Variants in WDTC1 observed in about 807,000 individuals in gnomAD.
The protein encoded by WDTC1 is WD and tetratricopeptide repeats protein 1.
In WDTC1, 12 loss-of-function variants were observed where a neutral mutation model predicts 76.0. The ratio of observed to expected loss-of-function variants is 0.16; its 90% CI spans 0.10 to 0.26. The LOEUF (loss-of-function observed/expected upper bound fraction) is 0.26, where lower values mean the gene tolerates loss of function less well. WDTC1 is among the 10% of genes least tolerant of loss of function. The probability of loss-of-function intolerance (pLI) is 1.00; values close to 1 mark genes in which losing one functional copy is unlikely to be tolerated. For missense variants in WDTC1, 511 were observed against 908.8 expected, an observed-to-expected ratio of 0.56 and a Z score of 5.63; for synonymous variants, 326 against 350.8, an observed-to-expected ratio of 0.93 and a Z score of 0.79.
chr1:27,304,007 C>A, intron 14 of WDTC1: 1 of 584,006 alleles, frequency 1.7e-6, no homozygotes, highest in Non-Finnish European at 2.9e-6. Context: ...ATAACAAGGA[C>A]TAATAAGATA....
Position 27,305,604 on chromosome 1 carries a change from C to T in WDTC1, c.1836+411C>T, listed in dbSNP as rs191629013. On this transcript the variant is annotated intron_variant, in intron 15 of 15. Transcript: ENST00000319394. The surrounding 1 kb of genome is among the most constrained non-coding windows in gnomAD (Gnocchi z 4.6). ...GTGAAGTGTCCAGCCCACAAGGACA[C>T]TTAGGACAGTGGAGTCCCCTCCACT... Among the ~76,000 whole-genome samples, 47 of 152,290 alleles carry T rather than the reference C, an allele frequency of 3.1e-4. No individual in the cohort carries two copies. The highest frequency in any genetic ancestry group is 1.1e-3 in the African/African-American group (46 of 41,554).
At chr1:27,234,506 G>A (rs1273570532), upstream of WDTC1, 3 of 346,434 alleles carry the variant, frequency 8.7e-6, no homozygotes, top group African/African-American at 4.2e-5. Context: ...TTGACCGGGC[G>A]CGGGGGGGTA....
chr1:27,267,168 T>C (rs2012702058), intron 3 of WDTC1, among the ~76,000 whole-genome samples: 1 of 152,156 alleles, frequency 6.6e-6, no homozygotes, highest in South Asian at 2.1e-4. Flanking sequence ...TTGATATTTG[T>C]TACCCTTCCT....
At chr1:27,241,211 C>T (rs2011623285) in intron 1 of WDTC1, among the ~76,000 whole-genome samples, 1 of 152,088 alleles carries the variant, frequency 6.6e-6, no homozygotes, top group Admixed American at 6.6e-5. Context: ...ACCCTTAATC[C>T]TCCGTATAGC....
At chr1:27,244,357 G>A (rs969643168) in intron 1 of WDTC1, among the ~76,000 whole-genome samples, 3 of 151,888 alleles carry the variant, frequency 2.0e-5, no homozygotes, top group East Asian at 3.9e-4. Context: ...TTGAGACAGC[G>A]CCTCACTTTG....
chr1:27,272,768 G>T (rs1359184738), intron 3 of WDTC1, among the ~76,000 whole-genome samples: 1 of 152,040 alleles, frequency 6.6e-6, no homozygotes, highest in East Asian at 1.9e-4. Context: ...AAATAGCTGG[G>T]CATGGTTACA....
Position 27,296,395 on chromosome 1 carries a change from T to C in WDTC1, c.943T>C (p.Ser315Pro). The stretch of plus-strand genomic sequence containing the variant: ...CCTCTTGCCTAGAAAATGCCACTCC[T>C]CGGGGGGTAAGTTCTCCCTTAGGGT... ...TFLLPRKCHS[S>P]GEVQNGKMST... Residue 315 changes from serine (S) to proline (P), a missense_variant, in exon 10 of 16, where the codon TCG becomes CCG. Ser to Pro is a moderately conservative substitution (Grantham distance 74). Transcript: ENST00000319394. 1 of 1,614,070 alleles carries C rather than the reference T, an allele frequency of 6.2e-7. No individual in the cohort carries two copies. Among genetic ancestry groups the C allele is most frequent in the Non-Finnish European group, 8.5e-7 (1 of 1,180,018 alleles).
chr1:27,304,925 C>A, intron 14 of WDTC1, 76 bp from the exon 15 acceptor site: 1 of 1,445,814 alleles, frequency 6.9e-7, no homozygotes, highest in South Asian at 1.4e-5. Context: ...CCCCCTTTAC[C>A]TAGGCCATGC....
intron 1 of WDTC1, among the ~76,000 whole-genome samples, chr1:27,238,019 G>T (rs531187983): frequency 6.6e-6 from 1 of 152,316 alleles, no homozygotes; most frequent in African/African-American, 2.4e-5. Context: ...GTGCTAGCTA[G>T]TATTTTTACT....
chr1:27,283,465 C>A lies in WDTC1; in HGVS notation c.291+16C>A. On this transcript the variant is annotated intron_variant, in intron 5 of 15. Transcript: ENST00000319394. The stretch of plus-strand genomic sequence containing the variant: ...CTCTGTCAAGGTGAGCAGGACAAGC[C>A]ACAGAGCAAGCACAAGCCACAGATC... 1 of 1,609,712 alleles carries A rather than the reference C, an allele frequency of 6.2e-7. No individual in the cohort carries two copies. Among genetic ancestry groups the A allele is most frequent in the Non-Finnish European group, 8.5e-7 (1 of 1,178,990 alleles).
At position 27,300,932 on chromosome 1, in the gene WDTC1, G is replaced by A. The variant is rs2013816140; in HGVS notation, c.1233-294G>A. Among the ~76,000 whole-genome samples the A allele has an allele frequency of 3.9e-5, 6 of 152,352 alleles. No individual in the cohort carries two copies. The South Asian group carries it at 1.2e-3, about 32-fold the overall frequency. On this transcript the variant is annotated intron_variant, in intron 12 of 15. Transcript: ENST00000319394. Reference sequence around the variant, plus strand: ...CAGGCCTTCTGCTGCAGAGCTGCGGGTGCCTGGGGTGAGCCAGTGTGCAGT... The same window carrying A: ...CAGGCCTTCTGCTGCAGAGCTGCGGATGCCTGGGGTGAGCCAGTGTGCAGT...
Position 27,283,428 on chromosome 1 carries a change from C to T in WDTC1, c.270C>T (p.Thr90=), listed in dbSNP as rs748448840. Reference sequence around the variant, plus strand: ...TGCTCTCCATGCACACGGGACACACCGCAAATATCTTCTCTGTCAAGGTGA... The same window carrying T: ...TGCTCTCCATGCACACGGGACACACTGCAAATATCTTCTCTGTCAAGGTGA... The part of the protein sequence containing the change: ...KKLLSMHTGH[T]ANIFSVKFLP... The change falls in exon 5 of 16, where the codon ACC becomes ACT. Residue 90 remains threonine, a synonymous_variant. Transcript: ENST00000319394. 2.9e-5 allele frequency: 47 copies of T among 1,612,840 alleles called. No individual in the cohort carries two copies. Among genetic ancestry groups the T allele is most frequent in the Middle Eastern group, 1.6e-4 (1 of 6,080 alleles).
intron 1 of WDTC1, among the ~76,000 whole-genome samples, chr1:27,239,824 A>AC (rs2011577603): frequency 1.3e-5 from 2 of 151,142 alleles, no homozygotes; most frequent in East Asian, 1.9e-4. Flanking sequence ...AAAAAAAAAA[A>AC]AACCAAAAAA....
chr1:27,292,538 C>G, intron 7 of WDTC1, 141 bp downstream of exon 7: 2 of 732,740 alleles, frequency 2.7e-6, no homozygotes, highest in Non-Finnish European at 4.0e-6. Flanking sequence ...AGCGATCCTC[C>G]CATCTCAGCC....
intron 1 of WDTC1, among the ~76,000 whole-genome samples, chr1:27,253,765 A>G (rs184888414): frequency 6.6e-6 from 1 of 152,290 alleles, no homozygotes; most frequent in East Asian, 1.9e-4. Flanking sequence ...ACTGAACATT[A>G]TGTAATTTGC....
chr1:27,259,268 T>TC (rs1232271926), intron 1 of WDTC1, among the ~76,000 whole-genome samples: 1 of 151,286 alleles, frequency 6.6e-6, no homozygotes, highest in Admixed American at 6.6e-5. Context: ...CAAGTGATCT[T>TC]CCGACCTCAG....
chr1:27,296,785 A>ACCCTAGACCCAGCCCCAG (rs2013700296), intron 10 of WDTC1, among the ~76,000 whole-genome samples: 1 of 88,632 alleles, frequency 1.1e-5, no homozygotes, highest in African/African-American at 4.6e-5. Flanking sequence ...CCCAGCCCCA[A>ACCCTAGACCCAGCCCCAG]CCCTAGCCCC....
rs145339479 is a variant in WDTC1 at position 27,294,617 on chromosome 1, G to C, written c.861G>C (p.Met287Ile). Residue 287 changes from methionine to isoleucine, a missense_variant, in exon 9 of 16, where the codon ATG becomes ATC. Coordinates refer to ENST00000319394, the MANE Select transcript of WDTC1 (RefSeq NM_001276252.2). ...ATGGCACAGAGCTACTAGTCAACAT[G>C]GGGGGGGAACAGGTATGTACAGCAT... ...SPNGTELLVN[M>I]GGEQVYLFDL... 7.4e-6 allele frequency: 12 copies of C among 1,612,168 alleles called. No individual in the cohort carries two copies. Among genetic ancestry groups the C allele is most frequent in the South Asian group, 1.1e-5 (1 of 90,990 alleles).
intron 1 of WDTC1, 31 bp downstream of exon 1, chr1:27,234,982 C>T: frequency 2.6e-6 from 1 of 384,440 alleles, no homozygotes; most frequent in Non-Finnish European, 4.6e-6. Flanking sequence ...CTGCCCTCCG[C>T]GGGCGCCGAG....
Sources: gnomAD v4.1 joint callset for allele counts (sites outside exome capture counted in the v4.1 genomes callset) on GRCh38, gnomAD v4.1.1 for gene constraint, Gnocchi (gnomAD v3.1) non-coding constraint, MANE v1.5 for transcripts, NCBI Gene and HGNC (gene_info 2026-07-23, HGNC 2026-07-21) for gene names.